SGCD: variants seen among roughly 807,000 people sequenced by gnomAD.
SGCD encodes the protein delta-sarcoglycan.
A neutral mutation model predicts 36.6 loss-of-function variants in SGCD; 18 were observed. The ratio of observed to expected loss-of-function variants is 0.49; its 90% CI spans 0.34 to 0.73. SGCD has a LOEUF of 0.73. Ranked by LOEUF, SGCD falls within the 30% of genes least tolerant of loss-of-function variation. SGCD has a pLI of 0.01. For missense variants in SGCD, 387 were observed against 346.7 expected, an observed-to-expected ratio of 1.12 and a Z score of -0.92; for synonymous variants, 133 against 130.6, an observed-to-expected ratio of 1.02 and a Z score of -0.12.
intron 3 of SGCD, among the ~76,000 whole-genome samples, chr5:156,182,623 G>A (rs1273057651): frequency 6.6e-6 from 1 of 151,944 alleles, no homozygotes; most frequent in African/African-American, 2.4e-5. Context: ...ACAAGCTAGG[G>A]AATCCTGAAA....
At chr5:156,165,733 G>C (rs1047095981) in intron 3 of SGCD, among the ~76,000 whole-genome samples, 1 of 152,122 alleles carries the variant, frequency 6.6e-6, no homozygotes, top group Non-Finnish European at 1.5e-5. Flanking sequence ...ACATCAAACT[G>C]TTTGAAAGTT....
intron 4 of SGCD, among the ~76,000 whole-genome samples, chr5:156,510,197 T>C (rs1469369665): frequency 6.6e-6 from 1 of 152,178 alleles, no homozygotes; most frequent in Non-Finnish European, 1.5e-5. Context: ...CAATGATTAT[T>C]TATAAAATGT....
chr5:156,342,942 T>C (rs1185647468), intron 2 of SGCD, among the ~76,000 whole-genome samples: 3 of 152,206 alleles, frequency 2.0e-5, no homozygotes, highest in African/African-American at 7.2e-5. Context: ...CACTAGGGTA[T>C]GTGTTTGGAA....
chr5:156,279,792 C>A (rs148938336), intron 3 of SGCD, among the ~76,000 whole-genome samples: 21 of 152,202 alleles, frequency 1.4e-4, no homozygotes, highest in African/African-American at 5.1e-4. Context: ...GACTCCCCTA[C>A]ACATGGAAAT....
At chr5:155,981,278 A>G (rs1758223801) in intron 1 of SGCD, among the ~76,000 whole-genome samples, 1 of 152,178 alleles carries the variant, frequency 6.6e-6, no homozygotes, top group Non-Finnish European at 1.5e-5. Context: ...AGAATCCCCG[A>G]CTTGGGGCCA....
chr5:155,959,547 GT>G (rs1239380591), intron 1 of SGCD, among the ~76,000 whole-genome samples: 1 of 152,072 alleles, frequency 6.6e-6, no homozygotes, highest in African/African-American at 2.4e-5. Flanking sequence ...AAAGCCTTAT[GT>G]TATGTTTCCT....
chr5:156,323,306 A>G (rs1767721249), upstream of SGCD, among the ~76,000 whole-genome samples: 1 of 152,186 alleles, frequency 6.6e-6, no homozygotes, highest in Non-Finnish European at 1.5e-5. Flanking sequence ...TCTCAGCACC[A>G]CACTCAAGGA....
intron 4 of SGCD, among the ~76,000 whole-genome samples, chr5:156,517,715 C>T (rs969324462): frequency 1.3e-5 from 2 of 152,112 alleles, no homozygotes; most frequent in Non-Finnish European, 2.9e-5. Context: ...AAATTTCCAA[C>T]CCTGAATTTT....
At chr5:156,756,159 T>A (rs1476004621) in intron 7 of SGCD, among the ~76,000 whole-genome samples, 1 of 152,166 alleles carries the variant, frequency 6.6e-6, no homozygotes, top group Non-Finnish European at 1.5e-5. Flanking sequence ...TGGATCAGAG[T>A]GTTTTGAGAA....
intron 1 of SGCD, among the ~76,000 whole-genome samples, chr5:156,018,491 C>T (rs1759032597): frequency 6.6e-6 from 1 of 152,136 alleles, no homozygotes; most frequent in Non-Finnish European, 1.5e-5. Flanking sequence ...TATGAAGATA[C>T]ATGCCACACT....
At chr5:156,626,587 C>A (rs536119883) in intron 6 of SGCD, among the ~76,000 whole-genome samples, 1 of 152,166 alleles carries the variant, frequency 6.6e-6, no homozygotes, top group South Asian at 2.1e-4. Context: ...GACAAGTCGA[C>A]TTCTACTTGG....
At chr5:156,583,038 A>T (rs1364137335) in intron 4 of SGCD, among the ~76,000 whole-genome samples, 1 of 152,242 alleles carries the variant, frequency 6.6e-6, no homozygotes, top group Non-Finnish European at 1.5e-5. Flanking sequence ...AAGCTGCCAG[A>T]AAGAGTCAAC....
intron 3 of SGCD, among the ~76,000 whole-genome samples, chr5:156,318,666 G>T (rs6885958): frequency 0.43 from 65,505 of 150,876 alleles, 14,575 homozygotes; most frequent in East Asian, 0.81. Flanking sequence ...AGTGATCTTG[G>T]CTCACTGCAA....
At position 156,423,342 on chromosome 5, in the gene SGCD, A is replaced by ATATTT. The variant is rs1561685727; in HGVS notation, c.192+78669_192+78670insTTATT. On this transcript the variant is annotated intron_variant, in intron 3 of 8. Transcript: ENST00000337851. ...ATAATATATTTTATTATAATATAAT[A>ATATTT]TATTATAATTTTATTATAATATATT... 2.1e-3 allele frequency among the ~76,000 whole-genome samples: 38 copies of ATATTT among 17,968 alleles called. 3 individuals are homozygous for ATATTT. Among genetic ancestry groups the ATATTT allele is most frequent in the East Asian group, 9.4e-3 (5 of 534 alleles). The allele number at this position is 17,968 out of a possible 152,430, so 11.8% of individuals were successfully genotyped here.
chr5:156,349,038 T>A (rs1405328100), intron 3 of SGCD, among the ~76,000 whole-genome samples: 2 of 152,110 alleles, frequency 1.3e-5, no homozygotes, highest in Non-Finnish European at 2.9e-5. Context: ...GAAAATTGGA[T>A]AGCTACACGA....
chr5:156,245,028 A>T (rs562733339), intron 3 of SGCD, among the ~76,000 whole-genome samples: 1 of 152,292 alleles, frequency 6.6e-6, no homozygotes, highest in Admixed American at 6.5e-5. Flanking sequence ...CAACGCAGAT[A>T]CTCTCACACA....
intron 1 of SGCD, among the ~76,000 whole-genome samples, chr5:156,033,411 C>G (rs1005409978): frequency 2.0e-5 from 3 of 151,994 alleles, no homozygotes; most frequent in African/African-American, 7.2e-5. Context: ...TTTTGGCGTC[C>G]CCAGTGTCTA....
rs543815253 is a variant in SGCD at position 155,929,805 on chromosome 5, G to A, written c.-282+59381G>A. ...AGCAAAATAATCATTCACACAAGTA[G>A]TTTTTTGTGTGCCTACTATGATTTC... On this transcript the variant is annotated intron_variant, in intron 1 of 9. Coordinates refer to the SGCD transcript ENST00000517913. 2.6e-5 allele frequency among the ~76,000 whole-genome samples: 4 copies of A among 152,236 alleles called. No individual in the cohort carries two copies. The East Asian group carries it at 7.7e-4, about 29-fold the overall frequency.
intron 1 of SGCD, among the ~76,000 whole-genome samples, chr5:155,963,649 CTG>C (rs1757837979): frequency 6.6e-6 from 1 of 152,036 alleles, no homozygotes; most frequent in African/African-American, 2.4e-5. Flanking sequence ...GCTAAGAAAA[CTG>C]AGACTCAGGG....
Sources: gnomAD v4.1 joint callset for allele counts (sites outside exome capture counted in the v4.1 genomes callset) on GRCh38, gnomAD v4.1.1 for gene constraint, MANE v1.5 for transcripts, NCBI Gene and HGNC (gene_info 2026-07-23, HGNC 2026-07-21) for gene names.